FHOD3: variants seen among roughly 807,000 people sequenced by gnomAD.
The protein encoded by FHOD3 is formin homology 2 domain containing 3.
FHOD3 carries 90 observed loss-of-function variants against 173.0 expected under a neutral mutation model. The ratio of observed to expected loss-of-function variants is 0.52; its 90% CI spans 0.44 to 0.62. FHOD3 has a LOEUF of 0.62. Among genes scored for constraint, FHOD3 ranks in the 20% least tolerant of loss-of-function variants. The pLI is 0.00. For synonymous variants in FHOD3, 828 were observed against 823.0 expected, an observed-to-expected ratio of 1.01 and a Z score of -0.10; for missense variants, 1,945 against 2,034.7, an observed-to-expected ratio of 0.96 and a Z score of 0.85.
chr18:36,603,488 T>TAAG (rs2031669546), intron 8 of FHOD3, among the ~76,000 whole-genome samples: 2 of 150,872 alleles, frequency 1.3e-5, no homozygotes, highest in East Asian at 3.9e-4. Context: ...CCCCTTAAAA[T>TAAG]AATAATAATA....
At chr18:36,604,301 T>C (rs1457446533) in intron 8 of FHOD3, among the ~76,000 whole-genome samples, 1 of 152,204 alleles carries the variant, frequency 6.6e-6, no homozygotes. Context: ...ATTCCTGAAA[T>C]ACAGCTGGAG....
intron 5 of FHOD3, among the ~76,000 whole-genome samples, chr18:36,539,652 G>A (rs540431231): frequency 6.6e-6 from 1 of 152,316 alleles, no homozygotes; most frequent in South Asian, 2.1e-4. Flanking sequence ...TCAGCAGCAG[G>A]TGGGCGAATC....
At chr18:36,529,806 T>C (rs1462676792) in intron 5 of FHOD3, among the ~76,000 whole-genome samples, 2 of 151,966 alleles carry the variant, frequency 1.3e-5, no homozygotes, top group Non-Finnish European at 2.9e-5. Context: ...TCTCAAAAAA[T>C]AAAAATAAAA....
intron 1 of FHOD3, among the ~76,000 whole-genome samples, chr18:36,334,848 C>T (rs1024021512): frequency 6.6e-6 from 1 of 151,998 alleles, no homozygotes; most frequent in African/African-American, 2.4e-5. Context: ...AAGAGGGAAT[C>T]GTCCTGTCTG....
At chr18:36,361,100 G>A (rs1398893384) in intron 2 of FHOD3, among the ~76,000 whole-genome samples, 2 of 152,226 alleles carry the variant, frequency 1.3e-5, no homozygotes, top group East Asian at 3.9e-4. Context: ...ATCCTGAGTG[G>A]AGGGTGCAGG....
At chr18:36,642,233 T>C (rs1415084196) in intron 10 of FHOD3, among the ~76,000 whole-genome samples, 1 of 152,186 alleles carries the variant, frequency 6.6e-6, no homozygotes, top group African/African-American at 2.4e-5. Context: ...AACAAACCCT[T>C]GTGATGTTGT....
intron 3 of FHOD3, among the ~76,000 whole-genome samples, chr18:36,418,618 A>G (rs2049801812): frequency 6.6e-6 from 1 of 152,160 alleles, no homozygotes; most frequent in Non-Finnish European, 1.5e-5. Context: ...TTTTATCAAA[A>G]TCTGCATGTT....
At chr18:36,547,942 T>C (rs1235839695) in intron 5 of FHOD3, among the ~76,000 whole-genome samples, 2 of 152,198 alleles carry the variant, frequency 1.3e-5, no homozygotes, top group Non-Finnish European at 2.9e-5. Flanking sequence ...CTTGTAATCC[T>C]AACACTTTGG....
chr18:36,653,501 A>G (rs957496977), intron 13 of FHOD3, 85 bp downstream of exon 13: 1 of 979,216 alleles, frequency 1.0e-6, no homozygotes, highest in East Asian at 2.6e-5. Flanking sequence ...AAGAATGCTA[A>G]TATCTTCCTA....
Position 36,512,693 on chromosome 18 carries a change from TAGGTAAAA to T in FHOD3, c.511+151_511+158del, listed in dbSNP as rs34982026. On this transcript the variant is annotated intron_variant, in intron 5 of 28. Coordinates refer to ENST00000590592, the MANE Select transcript of FHOD3 (RefSeq NM_001281740.3). ...CCCTTTGGCAAAAAAACATCTGCCATAGGTAAAACAGGTTTTACCAGTTCCTAGTAATT... is the reference window on the plus strand; with the variant it reads ...CCCTTTGGCAAAAAAACATCTGCCATCAGGTTTTACCAGTTCCTAGTAATT... 356,266 of 616,922 alleles carry T rather than the reference TAGGTAAAA, an allele frequency of 0.58. 103,256 individuals carry two copies. Among genetic ancestry groups the T allele is most frequent in the East Asian group, 0.64 (23,285 of 36,150 alleles). The allele number at this position is 616,922 out of a possible 1,614,324, so 38.2% of individuals were successfully genotyped here. A position where few individuals can be genotyped will look rare whatever the true frequency, so the allele number is the denominator to read the frequency against.
chr18:36,366,164 T>C (rs1250641524), intron 2 of FHOD3, among the ~76,000 whole-genome samples: 1 of 152,116 alleles, frequency 6.6e-6, no homozygotes, highest in African/African-American at 2.4e-5. Flanking sequence ...GGAACTTTAA[T>C]GAAGAACAGG....
chr18:36,470,057 G>C (rs868293372), intron 3 of FHOD3, among the ~76,000 whole-genome samples: 2 of 152,240 alleles, frequency 1.3e-5, no homozygotes, highest in Non-Finnish European at 2.9e-5. Flanking sequence ...GTAGCAGAGA[G>C]CTGGCAGGAA....
intron 3 of FHOD3, among the ~76,000 whole-genome samples, chr18:36,446,901 T>A (rs897829353): frequency 6.6e-6 from 1 of 151,934 alleles, no homozygotes. Context: ...CTAAAATGAA[T>A]AAGAGGAGGG....
chr18:36,639,475 A>G (rs1401393191), intron 10 of FHOD3, among the ~76,000 whole-genome samples: 3 of 152,170 alleles, frequency 2.0e-5, no homozygotes, highest in East Asian at 1.9e-4. Flanking sequence ...GATCAAGACC[A>G]TGGTGAAACC....
intron 19 of FHOD3, among the ~76,000 whole-genome samples, chr18:36,726,257 T>C (rs1021481581): frequency 2.6e-5 from 4 of 152,194 alleles, no homozygotes; most frequent in Admixed American, 6.5e-5. Flanking sequence ...GGTTTCTCAT[T>C]TATCCAAGTC....
At chr18:36,594,341 T>G (rs2029929586) in intron 6 of FHOD3, among the ~76,000 whole-genome samples, 1 of 152,098 alleles carries the variant, frequency 6.6e-6, no homozygotes, top group Non-Finnish European at 1.5e-5. Flanking sequence ...CTAAGCTGGC[T>G]GTTGTGACTT....
intron 2 of FHOD3, among the ~76,000 whole-genome samples, chr18:36,363,126 TAAAA>T (rs1201439063): frequency 2.0e-5 from 3 of 151,978 alleles, no homozygotes; most frequent in African/African-American, 4.8e-5. Context: ...ATGGCTAAAA[TAAAA>T]AAACACGGAT....
intron 3 of FHOD3, among the ~76,000 whole-genome samples, chr18:36,454,654 C>G (rs988633498): frequency 1.6e-4 from 23 of 146,922 alleles, no homozygotes; most frequent in Non-Finnish European, 2.9e-4. Context: ...GAAATTCTGT[C>G]CGTTCCATTT....
chr18:36,342,477 A>G (rs150370113), intron 1 of FHOD3, among the ~76,000 whole-genome samples: 328 of 152,320 alleles, frequency 2.2e-3, no homozygotes, highest in African/African-American at 7.5e-3. Context: ...AGAAAAATAG[A>G]TTATCTTCAG....
Sources: allele counts gnomAD v4.1 joint callset (sites outside exome capture counted in the v4.1 genomes callset), GRCh38; gene constraint gnomAD v4.1.1; transcripts MANE v1.5; gene names NCBI Gene and HGNC (gene_info 2026-07-23, HGNC 2026-07-21).